The following OTOGL variants were observed in gnomAD, a reference collection of about 807,000 sequenced individuals.
OTOGL encodes otogelin like.
In OTOGL, 285 loss-of-function variants were observed where a neutral mutation model predicts 318.5. That is an observed-to-expected ratio of 0.89 (90% CI 0.81 to 0.99). OTOGL has a LOEUF of 0.99. Among genes scored for constraint, OTOGL ranks in the 50% least tolerant of loss-of-function variants. The probability of loss-of-function intolerance (pLI) is 0.00; values close to 1 mark genes in which losing one functional copy is unlikely to be tolerated. For missense variants in OTOGL, 2,899 were observed against 2,845.6 expected (o/e 1.02, Z -0.43); for synonymous variants, 987 against 936.5 (o/e 1.05, Z -0.99).
At chr12:80,308,292 G>C (rs904484129) in intron 29 of OTOGL, among the ~76,000 whole-genome samples, 3 of 151,340 alleles carry the variant, frequency 2.0e-5, no homozygotes, top group Admixed American at 2.0e-4. Flanking sequence ...TTCTCAGACC[G>C]GGCGGTTGCC....
rs372375632 is a variant in OTOGL, at chr12:80,279,180, A to G, written c.2928+14A>G. ...TTTTTGATAAAGGTAGGTCACAGTT[A>G]CACATTTTTATTTGCATTCGTGTAA... On this transcript the variant is annotated intron_variant, in intron 26 of 58. Transcript: ENST00000547103. 245 of 1,574,260 alleles carry G rather than the reference A, an allele frequency of 1.6e-4. No homozygotes were observed. The African/African-American group carries it at 3.1e-3, about 20-fold the overall frequency.
intron 16 of OTOGL, 105 bp from the exon 17 acceptor site, chr12:80,256,232 C>A: frequency 7.9e-7 from 1 of 1,268,366 alleles, no homozygotes; most frequent in East Asian, 2.5e-5. Flanking sequence ...GTTCTCTCCT[C>A]TCTCTTTCTC....
intron 16 of OTOGL, 66 bp from the exon 17 acceptor site, chr12:80,256,271 T>C: frequency 6.7e-7 from 1 of 1,502,114 alleles, no homozygotes; most frequent in East Asian, 2.3e-5. Context: ...ATCTCCACCT[T>C]CCTGTCTCTT....
chr12:80,272,479 C>T (rs560071198), intron 24 of OTOGL, among the ~76,000 whole-genome samples: 7 of 152,032 alleles, frequency 4.6e-5, no homozygotes, highest in East Asian at 1.9e-4. Flanking sequence ...GCCTAGTGCA[C>T]GTGAAAGACA....
At chr12:80,206,381 A>C (rs1376737815) in intron 1 of OTOGL, among the ~76,000 whole-genome samples, 1 of 152,174 alleles carries the variant, frequency 6.6e-6, no homozygotes, top group Non-Finnish European at 1.5e-5. Context: ...GCCATTGTTC[A>C]TTCTCCTTTT....
intron 1 of OTOGL, chr12:80,208,227 G>C (rs1231195926): frequency 9.7e-6 from 5 of 517,224 alleles, no homozygotes; most frequent in Non-Finnish European, 1.9e-5. Context: ...TGGTTATCTA[G>C]AGCAAGAGTA....
chr12:80,273,459 A>G (rs1055030000), intron 24 of OTOGL, among the ~76,000 whole-genome samples: 1 of 152,058 alleles, frequency 6.6e-6, no homozygotes, highest in African/African-American at 2.4e-5. Context: ...GTCAGATGGA[A>G]ATGGCTTCTA....
At chr12:80,373,469 AAACT>A (rs1199947724) in intron 57 of OTOGL, among the ~76,000 whole-genome samples, 5 of 124,194 alleles carry the variant, frequency 4.0e-5, no homozygotes, top group African/African-American at 1.5e-4. Context: ...ACAAACAAAC[AAACT>A]GTGGTATAGG....
chr12:80,146,618 G>A (rs887711391), intron 1 of OTOGL, among the ~76,000 whole-genome samples: 2 of 151,914 alleles, frequency 1.3e-5, no homozygotes, highest in East Asian at 3.8e-4. Flanking sequence ...GATTGGAATA[G>A]TTTCAGAAGG....
At position 80,337,020 on chromosome 12, in the gene OTOGL, TA is replaced by T. The variant is rs2137917225; in HGVS notation, c.4860+20del. On this transcript the variant is annotated intron_variant, in intron 42 of 58. Coordinates refer to ENST00000547103, the MANE Select transcript of OTOGL (RefSeq NM_001378609.3). ...GGCAAGAAAGGTAAGAATACAAAGT[TA>T]AAATTTTTTCTCACATTAGATGAAA... is the stretch of plus-strand genomic sequence containing the variant. The T allele has an allele frequency of 6.6e-7, 1 of 1,522,594 alleles. No individual in the cohort carries two copies. Among genetic ancestry groups the T allele is most frequent in the Admixed American group, 2.0e-5 (1 of 50,842 alleles). The allele number at this position is 1,522,594 out of a possible 1,614,324, so 94.3% of individuals were successfully genotyped here.
Position 80,176,234 on chromosome 12 carries a change from A to T in OTOGL, c.-19-33179A>T, listed in dbSNP as rs574028970. ...CTGCCAAACTCTGGTCTTATTTTTC[A>T]AACAGTTTTATTGAGATATAATTTA... On this transcript the variant is annotated intron_variant, in intron 1 of 58. Transcript: ENST00000547103. Among the ~76,000 whole-genome samples, 3 of 152,338 alleles carry T rather than the reference A, an allele frequency of 2.0e-5. No individual in the cohort carries two copies. The East Asian group carries it at 5.8e-4, about 29-fold the overall frequency.
chr12:80,254,573 A>G lies in OTOGL; in HGVS notation c.1441+3A>G, dbSNP rs1448019467. 2 of 1,601,594 alleles carry G rather than the reference A, an allele frequency of 1.2e-6. No individual in the cohort carries two copies. The highest frequency in any genetic ancestry group is 1.7e-5 in the Admixed American group (1 of 59,740). ...CTGCACTGAGCAAGACTGTCCAGGT[A>G]ATTTTTTAAAATGTTTTTATAGAGA... On this transcript the variant is annotated splice_donor_region_variant and intron_variant, in intron 15 of 58. Coordinates refer to ENST00000547103, the MANE Select transcript of OTOGL (RefSeq NM_001378609.3).
At chr12:80,208,535 T>C (rs1481700047) in intron 1 of OTOGL, among the ~76,000 whole-genome samples, 32 of 152,178 alleles carry the variant, frequency 2.1e-4, no homozygotes, top group Admixed American at 2.1e-3. Flanking sequence ...ATAAGCATGG[T>C]TTTCACTAAG....
intron 29 of OTOGL, among the ~76,000 whole-genome samples, chr12:80,306,148 A>G (rs1011157021): frequency 3.9e-5 from 6 of 152,170 alleles, no homozygotes; most frequent in Non-Finnish European, 5.9e-5. Flanking sequence ...ACACGTGTAT[A>G]TGTGTGTGGG....
intron 1 of OTOGL, among the ~76,000 whole-genome samples, chr12:80,166,664 G>A (rs1873851147): frequency 6.6e-6 from 1 of 152,084 alleles, no homozygotes. Flanking sequence ...TGTAGATAAG[G>A]AATTGGAATT....
At chr12:80,377,572 C>A (rs1370083076) in intron 58 of OTOGL, among the ~76,000 whole-genome samples, 23 of 152,122 alleles carry the variant, frequency 1.5e-4, no homozygotes, top group Admixed American at 1.4e-3. Context: ...AATAGATTAA[C>A]TATATTGTGA....
intron 29 of OTOGL, among the ~76,000 whole-genome samples, chr12:80,310,007 G>A (rs965722021): frequency 6.6e-6 from 1 of 152,204 alleles, no homozygotes; most frequent in Non-Finnish European, 1.5e-5. Flanking sequence ...AATGTAGCAA[G>A]AGGAAACCCA....
intron 46 of OTOGL, among the ~76,000 whole-genome samples, chr12:80,353,712 A>G (rs1889704300): frequency 6.6e-6 from 1 of 152,226 alleles, no homozygotes; most frequent in African/African-American, 2.4e-5. Flanking sequence ...ATATGTTTTA[A>G]TCTTTATATC....
At chr12:80,256,263 C>A in intron 16 of OTOGL, 74 bp from the exon 17 acceptor site, 1 of 1,465,848 alleles carries the variant, frequency 6.8e-7, no homozygotes. Context: ...TTTCTCCCAT[C>A]TCCACCTTCC....
Sources: gnomAD v4.1 joint callset for allele counts (sites outside exome capture counted in the v4.1 genomes callset) on GRCh38, gnomAD v4.1.1 for gene constraint, MANE v1.5 for transcripts, NCBI Gene and HGNC (gene_info 2026-07-23, HGNC 2026-07-21) for gene names.